The following NPIPB2 variants were observed in gnomAD, a reference collection of about 807,000 sequenced individuals.
NPIPB2 encodes nuclear pore complex interacting protein family member B2.
NPIPB2 carries 27 observed loss-of-function variants against 30.8 expected under a neutral mutation model. The ratio of observed to expected loss-of-function variants is 0.88; its 90% CI spans 0.65 to 1.21. The LOEUF (loss-of-function observed/expected upper bound fraction) is 1.21. Ranked by LOEUF, NPIPB2 falls within the 50% of genes most tolerant of loss-of-function variation. NPIPB2 has a pLI of 0.00. For synonymous variants in NPIPB2, 147 were observed against 162.0 expected, an observed-to-expected ratio of 0.91 and a Z score of 0.70; for missense variants, 440 against 446.2, an observed-to-expected ratio of 0.99 and a Z score of 0.13.
chr16:11,939,044 C>A (rs951834173), intron 1 of NPIPB2, among the ~76,000 whole-genome samples: 3 of 152,082 alleles, frequency 2.0e-5, no homozygotes, highest in African/African-American at 7.2e-5. Context: ...CTGCACCTGG[C>A]CAGTAGTTAT....
chr16:11,941,944 AAAAC>A, intron 1 of NPIPB2, 35 bp downstream of exon 1: 1 of 1,025,486 alleles, frequency 9.8e-7, no homozygotes. Context: ...CAAAACATAA[AAAAC>A]AAATGATGGC....
intron 1 of NPIPB2, among the ~76,000 whole-genome samples, chr16:11,962,984 T>C (rs2055165136): frequency 6.6e-6 from 1 of 152,086 alleles, no homozygotes; most frequent in African/African-American, 2.4e-5. Context: ...GGAGAATCAC[T>C]TGAACCCGGG....
chr16:11,955,229 C>G (rs1012189719), intron 1 of NPIPB2, among the ~76,000 whole-genome samples: 1 of 151,674 alleles, frequency 6.6e-6, no homozygotes, highest in Non-Finnish European at 1.5e-5. Context: ...TGGCACATGC[C>G]TATAATCCCA....
chr16:11,952,855 C>T (rs534510213), intron 1 of NPIPB2, among the ~76,000 whole-genome samples: 75 of 152,198 alleles, frequency 4.9e-4, no homozygotes, highest in Non-Finnish European at 8.2e-4. Context: ...TGTCAGCCAC[C>T]GTGCCTGGCC....
chr16:11,945,860 T>C (rs1340746853), upstream of NPIPB2, among the ~76,000 whole-genome samples: 1 of 151,620 alleles, frequency 6.6e-6, no homozygotes, highest in African/African-American at 2.4e-5. Flanking sequence ...TAAAGCATTA[T>C]TCTTTCTGTC....
At chr16:11,965,283 A>G in intron 1 of NPIPB2, 1 of 1,612,588 alleles carries the variant, frequency 6.2e-7, no homozygotes, top group Non-Finnish European at 8.5e-7. Flanking sequence ...TTGTCCTTCC[A>G]GGCTGTTCTT....
At chr16:11,927,634 T>C (rs1289030647) in exon 8 of NPIPB2, 2 of 1,599,082 alleles carry the variant, frequency 1.3e-6, no homozygotes, top group African/African-American at 1.4e-5. Flanking sequence ...AGGGTGGAGC[T>C]GAGGGTGGAA....
intron 1 of NPIPB2, chr16:11,964,117 G>A (rs1183610058): frequency 6.6e-6 from 1 of 152,034 alleles, no homozygotes; most frequent in Non-Finnish European, 1.5e-5. Context: ...TAGAATTCAG[G>A]GATCGGTGAA....
intron 4 of NPIPB2, among the ~76,000 whole-genome samples, chr16:11,933,152 G>T (rs577339504): frequency 3.0e-4 from 45 of 151,088 alleles, no homozygotes; most frequent in African/African-American, 9.5e-4. Context: ...TCCCAGCTAC[G>T]TGGGAGGCTG....
exon 8 of NPIPB2, chr16:11,927,542 C>T (rs1567461715): frequency 6.2e-7 from 1 of 1,602,190 alleles, no homozygotes; most frequent in Admixed American, 1.7e-5. Flanking sequence ...CTCAGCCGCT[C>T]TCCACCTCTT....
chr16:11,970,396 A>G (rs1422503623), intron 1 of NPIPB2, among the ~76,000 whole-genome samples: 1 of 151,826 alleles, frequency 6.6e-6, no homozygotes, highest in Non-Finnish European at 1.5e-5. Flanking sequence ...TATTTTTACT[A>G]CAGATGGGGT....
At position 11,930,497 on chromosome 16, in the gene NPIPB2, C is replaced by T. The variant is rs1404511623; in HGVS notation, c.543G>A (p.Glu181=). 3.8e-6 allele frequency: 6 copies of T among 1,586,584 alleles called. No individual in the cohort carries two copies. The East Asian group carries it at 9.0e-5, about 24-fold the overall frequency. The change falls in exon 5 of 8, where the codon GAG becomes GAA. Residue 181 remains glutamate, a synonymous_variant. Coordinates refer to ENST00000399147, the Ensembl canonical transcript of NPIPB2. ...TATCCAATTTCCCATTTTCCTCTGC[C>T]TCTGACACCTGCCTCTCCTTTTCTG...
chr16:11,931,694 A>G (rs2054792202), intron 4 of NPIPB2, among the ~76,000 whole-genome samples: 1 of 133,896 alleles, frequency 7.5e-6, no homozygotes, highest in Admixed American at 7.8e-5. Flanking sequence ...TCTGGAGGGA[A>G]GCTAAGGAAG....
At chr16:11,959,923 G>C (rs930093877) in intron 1 of NPIPB2, among the ~76,000 whole-genome samples, 1 of 152,160 alleles carries the variant, frequency 6.6e-6, no homozygotes, top group Admixed American at 6.5e-5. Context: ...CCACAAGCAC[G>C]CACTACCACA....
chr16:11,938,026 G>A (rs116770375), intron 1 of NPIPB2, among the ~76,000 whole-genome samples: 1 of 152,170 alleles, frequency 6.6e-6, no homozygotes, highest in Admixed American at 6.5e-5. Context: ...ACCTCTTTTT[G>A]TTTTTGAGAC....
chr16:11,954,468 A>C (rs2055093515), intron 1 of NPIPB2, among the ~76,000 whole-genome samples: 1 of 149,306 alleles, frequency 6.7e-6, no homozygotes, highest in Non-Finnish European at 1.5e-5. Context: ...ACAGAGTAAG[A>C]CTCTGTCTTT....
At chr16:11,964,931 G>C (rs1455668110) in intron 1 of NPIPB2, among the ~76,000 whole-genome samples, 1 of 152,172 alleles carries the variant, frequency 6.6e-6, no homozygotes, top group Non-Finnish European at 1.5e-5. Flanking sequence ...ACCTCTCACA[G>C]AGTACAGCTT....
At chr16:11,930,941 CA>C in intron 4 of NPIPB2, among the ~76,000 whole-genome samples, 1 of 105,728 alleles carries the variant, frequency 9.5e-6, no homozygotes, top group African/African-American at 3.7e-5. Flanking sequence ...CAATTCATCA[CA>C]ACTAACTCCA....
At chr16:11,965,458 A>G (rs763625636) in intron 1 of NPIPB2, 1 of 1,613,884 alleles carries the variant, frequency 6.2e-7, no homozygotes. Context: ...AATGCAAGTA[A>G]GTAATATTGC....
Sources: allele counts gnomAD v4.1 joint callset (sites outside exome capture counted in the v4.1 genomes callset), GRCh38; gene constraint gnomAD v4.1.1; transcripts MANE v1.5; gene names NCBI Gene and HGNC (gene_info 2026-07-23, HGNC 2026-07-21).